The following FBLN7 variants were observed in gnomAD, a reference collection of about 807,000 sequenced individuals.
FBLN7 encodes the protein fibulin-7.
FBLN7 carries 31 observed loss-of-function variants against 44.0 expected under a neutral mutation model. The ratio of observed to expected loss-of-function variants is 0.70; its 90% CI spans 0.53 to 0.95. FBLN7 has a LOEUF of 0.95. Among genes scored for constraint, FBLN7 ranks in the 40% least tolerant of loss-of-function variants. The pLI is 0.00. For synonymous variants in FBLN7, 262 were observed against 253.4 expected, an observed-to-expected ratio of 1.03 and a Z score of -0.32; for missense variants, 573 against 618.5, an observed-to-expected ratio of 0.93 and a Z score of 0.78.
intron 7 of FBLN7, among the ~76,000 whole-genome samples, 161 bp from the exon 8 acceptor site, chr2:112,186,973 A>C (rs1683297472): frequency 1.3e-5 from 2 of 152,146 alleles, no homozygotes; most frequent in African/African-American, 4.8e-5. Flanking sequence ...CACCAGCTAC[A>C]TTCACTCGTC....
chr2:112,236,695 G>A, the FBLN7 span: 10 of 1,601,182 alleles, frequency 6.2e-6, no homozygotes, highest in African/African-American at 1.3e-4. Flanking sequence ...TTGTTTAGCA[G>A]CTAAAAACAA....
At chr2:112,190,517 T>C, downstream of FBLN7, 1 of 152,208 alleles carries the variant, frequency 6.6e-6, no homozygotes, top group South Asian at 2.1e-4. Flanking sequence ...ACATGCCCTG[T>C]GAGAGTTGTT....
the FBLN7 span, chr2:112,230,957 T>TAAAA: frequency 8.5e-7 from 1 of 1,173,126 alleles, no homozygotes; most frequent in Non-Finnish European, 1.1e-6. Context: ...AAACCTAATA[T>TAAAA]AAAAAAAAAA....
intron 1 of FBLN7, among the ~76,000 whole-genome samples, chr2:112,157,295 G>A (rs918343907): frequency 7.2e-5 from 11 of 152,082 alleles, no homozygotes; most frequent in South Asian, 2.1e-4. Flanking sequence ...ACTTGAACCC[G>A]GGAGGTGGAG....
At position 112,155,441 on chromosome 2, in the gene FBLN7, G is replaced by A. The variant is rs559700252; in HGVS notation, c.76-4235G>A. On this transcript the variant is annotated intron_variant, in intron 1 of 7. Transcript: ENST00000331203. ...TCTCGGGCTCCCTGGCCCCAGCCCC[G>A]GCATGCTGGCTTGCCGAGAGCAGCA... 2.6e-5 allele frequency among the ~76,000 whole-genome samples: 4 copies of A among 152,304 alleles called. No homozygotes were observed. In the East Asian group the frequency reaches 7.7e-4, roughly 29 times the overall value.
At chr2:112,160,128 C>G (rs112706833) in intron 2 of FBLN7, among the ~76,000 whole-genome samples, 1 of 152,142 alleles carries the variant, frequency 6.6e-6, no homozygotes, top group South Asian at 2.1e-4. Context: ...GTAGCTGGGA[C>G]TACAGGCGCC....
intron 1 of FBLN7, among the ~76,000 whole-genome samples, chr2:112,143,584 G>A (rs1438999148): frequency 2.0e-5 from 3 of 152,076 alleles, no homozygotes. Context: ...TATATTCTAT[G>A]TGTGGCAACC....
intron 1 of FBLN7, among the ~76,000 whole-genome samples, chr2:112,144,334 C>T (rs1468035856): frequency 6.6e-6 from 1 of 152,132 alleles, no homozygotes; most frequent in Non-Finnish European, 1.5e-5. Flanking sequence ...TTTATTTTCA[C>T]ATTGAAAATC....
At chr2:112,182,180 CG>C (rs1683036422) in intron 5 of FBLN7, among the ~76,000 whole-genome samples, 2 of 152,294 alleles carry the variant, frequency 1.3e-5, no homozygotes, top group South Asian at 4.1e-4. Context: ...ATCACGTCTA[CG>C]GGTGGCAAGG....
At chr2:112,140,766 T>C (rs1269794899) in intron 1 of FBLN7, among the ~76,000 whole-genome samples, 1 of 152,196 alleles carries the variant, frequency 6.6e-6, no homozygotes, top group African/African-American at 2.4e-5. Flanking sequence ...CAGCAGTTTG[T>C]GGCATTTCCC....
At chr2:112,233,969 T>C in the FBLN7 span, 1 of 507,578 alleles carries the variant, frequency 2.0e-6, no homozygotes, top group Non-Finnish European at 3.3e-6. Flanking sequence ...GCTACTTTTT[T>C]AAACATAAAA....
At chr2:112,143,683 C>G (rs555913910) in intron 1 of FBLN7, among the ~76,000 whole-genome samples, 11 of 152,270 alleles carry the variant, frequency 7.2e-5, no homozygotes, top group African/African-American at 2.6e-4. Context: ...CCCACCCCAG[C>G]CTTGGCAGCC....
At chr2:112,140,037 G>C (rs374119419) in intron 1 of FBLN7, among the ~76,000 whole-genome samples, 16 of 81,190 alleles carry the variant, frequency 2.0e-4, no homozygotes, top group Non-Finnish European at 2.8e-4. Context: ...CCTCTCTCCA[G>C]GCCAGCGTCC....
the FBLN7 span, among the ~76,000 whole-genome samples, chr2:112,193,945 A>G: frequency 2.8e-3 from 428 of 152,380 alleles, 2 homozygotes; most frequent in African/African-American, 9.8e-3. Context: ...TTATTGCTGC[A>G]TAAAATATCC....
chr2:112,192,213 C>A (rs1246046165), downstream of FBLN7, among the ~76,000 whole-genome samples: 2 of 152,134 alleles, frequency 1.3e-5, no homozygotes, highest in African/African-American at 2.4e-5. Context: ...ATGCATATGT[C>A]TTTTTGTATT....
At chr2:112,194,098 T>A in the FBLN7 span, among the ~76,000 whole-genome samples, 217 of 152,290 alleles carry the variant, frequency 1.4e-3, 1 homozygote, top group African/African-American at 4.9e-3. Context: ...ACTCCATGCC[T>A]GGGGGCTAGG....
the FBLN7 span, among the ~76,000 whole-genome samples, chr2:112,196,564 C>T: frequency 6.6e-6 from 1 of 151,796 alleles, no homozygotes; most frequent in Admixed American, 6.6e-5. Flanking sequence ...AGCCACAGTG[C>T]CCAGCCTGAT....
Position 112,187,613 on chromosome 2 carries a change from T to C in FBLN7, c.*107T>C. On this transcript the variant is annotated 3_prime_UTR_variant, in exon 8 of 8. Coordinates refer to ENST00000331203, the MANE Select transcript of FBLN7 (RefSeq NM_153214.3). This position sits in a 1 kb window ranked among gnomAD's most constrained non-coding sequence, Gnocchi z 5.1. ...GAGCCTCCCGCCTGTTCCCGCCCTC[T>C]CACCAGTGCACCCAGGCTTCTAGGG... is the stretch of plus-strand genomic sequence containing the variant. 1 of 1,453,854 alleles carries C rather than the reference T, an allele frequency of 6.9e-7. No individual in the cohort carries two copies. The highest frequency in any genetic ancestry group is 1.3e-5 in the South Asian group (1 of 76,976). 90.1% of individuals were successfully genotyped at this position (1,453,854 alleles called of 1,614,324 possible). A position where few individuals can be genotyped will look rare whatever the true frequency, so the allele number is the denominator to read the frequency against.
At chr2:112,218,760 T>C in the FBLN7 span, among the ~76,000 whole-genome samples, 7 of 152,184 alleles carry the variant, frequency 4.6e-5, no homozygotes, top group Non-Finnish European at 1.0e-4. Context: ...AGGCTATTAT[T>C]AGTTATGATT....
Sources: gnomAD v4.1 joint callset for allele counts (sites outside exome capture counted in the v4.1 genomes callset) on GRCh38, gnomAD v4.1.1 for gene constraint, Gnocchi (gnomAD v3.1) non-coding constraint, MANE v1.5 for transcripts, NCBI Gene and HGNC (gene_info 2026-07-23, HGNC 2026-07-21) for gene names.